SCAPER: variants seen among roughly 807,000 people sequenced by gnomAD.
The protein encoded by SCAPER is S phase cyclin A-associated protein in the endoplasmic reticulum.
In SCAPER, 98 loss-of-function variants were observed where a neutral mutation model predicts 182.2. That is an observed-to-expected ratio of 0.54 (90% CI 0.46 to 0.64). The LOEUF is 0.64. Ranked by LOEUF, SCAPER falls within the 30% of genes least tolerant of loss-of-function variation. The pLI is 0.00. For missense variants in SCAPER, 1,432 were observed against 1,690.0 expected (o/e 0.85, Z 2.68); for synonymous variants, 605 against 564.6 (o/e 1.07, Z -1.01).
At chr15:76,395,193 G>A (rs528316328) in intron 27 of SCAPER, among the ~76,000 whole-genome samples, 2 of 152,224 alleles carry the variant, frequency 1.3e-5, no homozygotes, top group Admixed American at 6.5e-5. Context: ...TCTTTTTTAT[G>A]GCTGAATAGG....
At chr15:76,520,709 A>C (rs1189060884) in intron 23 of SCAPER, among the ~76,000 whole-genome samples, 2 of 152,162 alleles carry the variant, frequency 1.3e-5, no homozygotes, top group African/African-American at 4.8e-5. Flanking sequence ...TACAATTACT[A>C]TTCCCATCTA....
intron 25 of SCAPER, among the ~76,000 whole-genome samples, chr15:76,462,610 A>G (rs1301074826): frequency 1.3e-5 from 2 of 152,146 alleles, no homozygotes; most frequent in African/African-American, 4.8e-5. Context: ...AAGCAGTGTG[A>G]CATATTTTTT....
chr15:76,550,701 T>G (rs888853695), intron 23 of SCAPER, among the ~76,000 whole-genome samples: 3 of 152,234 alleles, frequency 2.0e-5, no homozygotes, highest in Non-Finnish European at 2.9e-5. Context: ...TTCCTTTGGT[T>G]ATATTCCCAG....
intron 25 of SCAPER, among the ~76,000 whole-genome samples, chr15:76,436,390 A>T (rs2047199967): frequency 6.6e-6 from 1 of 152,032 alleles, no homozygotes; most frequent in Non-Finnish European, 1.5e-5. Context: ...TTGAACCTAG[A>T]CTGAGCTTCT....
At chr15:76,650,260 G>A (rs934046985) in intron 21 of SCAPER, among the ~76,000 whole-genome samples, 2 of 151,884 alleles carry the variant, frequency 1.3e-5, no homozygotes, top group South Asian at 4.1e-4. Context: ...TCAATTACAT[G>A]ATTATAATAG....
chr15:76,628,386 T>C (rs982349706), intron 21 of SCAPER, among the ~76,000 whole-genome samples: 2 of 152,240 alleles, frequency 1.3e-5, no homozygotes, highest in Non-Finnish European at 2.9e-5. Context: ...ACTGAGGTTG[T>C]CTTCCAGTTT....
chr15:76,367,338 A>G (rs1029614917), intron 29 of SCAPER, among the ~76,000 whole-genome samples: 3 of 152,232 alleles, frequency 2.0e-5, no homozygotes, highest in Non-Finnish European at 4.4e-5. Context: ...CTGTGATTAC[A>G]GCCTAAGCCT....
At chr15:76,423,933 A>C (rs1037391771) in intron 26 of SCAPER, among the ~76,000 whole-genome samples, 3 of 152,120 alleles carry the variant, frequency 2.0e-5, no homozygotes, top group African/African-American at 7.2e-5. Context: ...AGCGGTTTTG[A>C]GTGAGTTTCT....
In SCAPER at chr15:76,365,443, C is replaced by A. The variant is rs372371021; in HGVS notation, c.3855+10719G>T. On this transcript the variant is annotated intron_variant, in intron 29 of 31. Transcript: ENST00000563290. ...TTTTAAATGAAGCATATTTTAAATT[C>A]TGTTCAAACACAGCACAAGAAAATT... Among the ~76,000 whole-genome samples the A allele has an allele frequency of 4.6e-5, 7 of 152,264 alleles. No individual in the cohort carries two copies. The East Asian group carries it at 9.6e-4, about 21-fold the overall frequency.
In SCAPER at chr15:76,677,239, C is replaced by A. The variant is rs1219767141; in HGVS notation, c.2509-11450G>T. 2.0e-5 allele frequency among the ~76,000 whole-genome samples: 3 copies of A among 152,064 alleles called. No homozygotes were observed. The East Asian group carries it at 5.8e-4, about 29-fold the overall frequency. ...CACTGAATCCTGCATAATACAATTC[C>A]TATCTCCTACTAAGAGAATCAGAAA... On this transcript the variant is annotated intron_variant, in intron 20 of 31. Transcript: ENST00000563290.
intron 22 of SCAPER, among the ~76,000 whole-genome samples, chr15:76,607,257 A>G (rs1186366138): frequency 1.3e-5 from 2 of 152,132 alleles, no homozygotes; most frequent in African/African-American, 4.8e-5. Context: ...AAAGTATTTT[A>G]TTTCTCCTTC....
chr15:76,731,354 A>G (rs1280286616), intron 16 of SCAPER, among the ~76,000 whole-genome samples: 1 of 152,238 alleles, frequency 6.6e-6, no homozygotes, highest in Non-Finnish European at 1.5e-5. Flanking sequence ...ACAAAGCAGG[A>G]TAAGTAAAAA....
intron 20 of SCAPER, 59 bp from the exon 21 acceptor site, chr15:76,665,848 G>T: frequency 7.4e-7 from 1 of 1,353,382 alleles, no homozygotes; most frequent in Non-Finnish European, 9.9e-7. Context: ...TATAATATAG[G>T]ATTGCTATAG....
At chr15:76,580,588 C>T (rs1175339388) in intron 22 of SCAPER, among the ~76,000 whole-genome samples, 1 of 151,892 alleles carries the variant, frequency 6.6e-6, no homozygotes, top group Non-Finnish European at 1.5e-5. Context: ...GACCCCATCT[C>T]CACACATAAA....
intron 21 of SCAPER, among the ~76,000 whole-genome samples, chr15:76,650,710 G>T (rs1183563356): frequency 6.6e-6 from 1 of 151,914 alleles, no homozygotes; most frequent in Non-Finnish European, 1.5e-5. Flanking sequence ...CCTATAATAA[G>T]CACAATATAA....
chr15:76,482,151 G>T (rs1258234814), intron 24 of SCAPER, among the ~76,000 whole-genome samples: 1 of 152,030 alleles, frequency 6.6e-6, no homozygotes, highest in African/African-American at 2.4e-5. Context: ...TCTTCAAGGG[G>T]TACAAAACTG....
rs1284571382 is a variant in SCAPER at position 76,738,149 on chromosome 15, T to C, written c.1867-4765A>G. Among the ~76,000 whole-genome samples the C allele has an allele frequency of 2.2e-4, 34 of 152,220 alleles. 1 individual carries two copies. ...AGTTTATCCCAGCTTTATTTTTTTCTTTTTGTTTTTCAAGACTGGGTTTCA... is the reference window on the plus strand; with the variant it reads ...AGTTTATCCCAGCTTTATTTTTTTCCTTTTGTTTTTCAAGACTGGGTTTCA... On this transcript the variant is annotated intron_variant, in intron 15 of 31. Transcript: ENST00000563290.
At chr15:76,723,418 G>T (rs112604132) in intron 17 of SCAPER, among the ~76,000 whole-genome samples, 1 of 152,170 alleles carries the variant, frequency 6.6e-6, no homozygotes, top group African/African-American at 2.4e-5. Context: ...TTGATTTGGG[G>T]TGGAGAGTTC....
chr15:76,830,954 G>T (rs966125660), intron 5 of SCAPER, among the ~76,000 whole-genome samples: 7 of 152,120 alleles, frequency 4.6e-5, no homozygotes, highest in African/African-American at 7.2e-5. Context: ...GCCCAAAGTG[G>T]CTCCTATGGA....
Sources: allele counts gnomAD v4.1 joint callset (sites outside exome capture counted in the v4.1 genomes callset), GRCh38; gene constraint gnomAD v4.1.1; transcripts MANE v1.5; gene names NCBI Gene and HGNC (gene_info 2026-07-23, HGNC 2026-07-21).